Variants in RBMS1 observed in about 807,000 individuals in gnomAD.
RBMS1 encodes RNA-binding motif, single-stranded-interacting protein 1.
In RBMS1, 17 loss-of-function variants were observed where a neutral mutation model predicts 62.3. That is an observed-to-expected ratio of 0.27 (90% CI 0.19 to 0.41). RBMS1 has a LOEUF of 0.41. RBMS1 is among the 10% of genes least tolerant of loss of function. RBMS1 has a pLI of 1.00. For missense variants in RBMS1, 334 were observed against 504.5 expected, an observed-to-expected ratio of 0.66 and a Z score of 3.24; for synonymous variants, 172 against 170.0, an observed-to-expected ratio of 1.01 and a Z score of -0.09.
rs1485631843 is a variant in RBMS1, at chr2:160,282,207, C to T, written c.901-843G>A. The T allele has an allele frequency of 3.0e-6, 4 of 1,349,086 alleles. No homozygotes were observed. In the Admixed American group the frequency reaches 5.7e-5, roughly 19 times the overall value. 83.6% of individuals were successfully genotyped at this position (1,349,086 alleles called of 1,614,324 possible). Reference sequence around the variant, plus strand: ...CCTATTGTTAACTTCAGAGGTTCAACAGAGAGGATATGGGGAAGAGTCATG... The same window carrying T: ...CCTATTGTTAACTTCAGAGGTTCAATAGAGAGGATATGGGGAAGAGTCATG... On this transcript the variant is annotated intron_variant, in intron 9 of 13. Transcript: ENST00000348849.
At chr2:160,439,772 A>C (rs1396584965) in intron 1 of RBMS1, among the ~76,000 whole-genome samples, 2 of 152,260 alleles carry the variant, frequency 1.3e-5, no homozygotes, top group Non-Finnish European at 2.9e-5. Context: ...ACCACTGAGC[A>C]CTGAGTGAAC....
intron 1 of RBMS1, among the ~76,000 whole-genome samples, chr2:160,424,479 T>C (rs529143949): frequency 6.6e-6 from 1 of 152,220 alleles, no homozygotes; most frequent in East Asian, 1.9e-4. Flanking sequence ...ACGTTTTCTC[T>C]CATGAGTGAA....
chr2:160,429,647 T>C (rs191535594), intron 1 of RBMS1, among the ~76,000 whole-genome samples: 8 of 152,336 alleles, frequency 5.3e-5, no homozygotes, highest in African/African-American at 1.7e-4. Flanking sequence ...AGCACACATA[T>C]GTTAAAGGTA....
chr2:160,461,087 A>G (rs1173925886), intron 1 of RBMS1, among the ~76,000 whole-genome samples: 1 of 152,196 alleles, frequency 6.6e-6, no homozygotes, highest in Non-Finnish European at 1.5e-5. Context: ...GCAAGACCCC[A>G]TCTCTTAAAA....
At chr2:160,410,752 C>CT (rs907909125) in intron 1 of RBMS1, among the ~76,000 whole-genome samples, 50 of 149,336 alleles carry the variant, frequency 3.3e-4, no homozygotes, top group African/African-American at 5.6e-4. Context: ...TGCTCATCCT[C>CT]TTTTTTTTTT....
chr2:160,483,861 A>G (rs1685471725), intron 1 of RBMS1, among the ~76,000 whole-genome samples: 1 of 152,210 alleles, frequency 6.6e-6, no homozygotes, highest in African/African-American at 2.4e-5. Context: ...TCTGCAGGAC[A>G]CTGGCTTTTG....
chr2:160,342,181 AATCTAT>A (rs1463274436), intron 2 of RBMS1, among the ~76,000 whole-genome samples: 1 of 152,160 alleles, frequency 6.6e-6, no homozygotes, highest in Non-Finnish European at 1.5e-5. Flanking sequence ...CAATAATCTA[AATCTAT>A]GTTCCCATAA....
intron 1 of RBMS1, among the ~76,000 whole-genome samples, chr2:160,457,138 T>C (rs922181669): frequency 6.6e-6 from 1 of 151,902 alleles, no homozygotes; most frequent in East Asian, 1.9e-4. Context: ...TTTATTTATT[T>C]ATTTATTTTT....
intron 1 of RBMS1, among the ~76,000 whole-genome samples, chr2:160,438,046 C>T (rs1374939943): frequency 6.6e-6 from 1 of 152,168 alleles, no homozygotes; most frequent in Admixed American, 6.5e-5. Flanking sequence ...TTAGGGTCCT[C>T]CTGTTCCTAC....
At chr2:160,298,960 C>T (rs569515388) in intron 6 of RBMS1, among the ~76,000 whole-genome samples, 8 of 151,498 alleles carry the variant, frequency 5.3e-5, no homozygotes, top group African/African-American at 1.9e-4. Context: ...TGAAACAGAT[C>T]CCTCATAGCC....
rs187734314 is a variant in RBMS1 at position 160,352,940 on chromosome 2, G to A, written c.251+14276C>T. Among the ~76,000 whole-genome samples, 17 of 152,132 alleles carry A rather than the reference G, an allele frequency of 1.1e-4. No homozygotes were observed. In the East Asian group the frequency reaches 2.9e-3, roughly 26 times the overall value. ...GCTGTATTATTATGAATTCAATGTT[G>A]AGGCAAAAAAATTATTTCCAGTTTC... is the stretch of plus-strand genomic sequence containing the variant. On this transcript the variant is annotated intron_variant, in intron 2 of 13. Transcript: ENST00000348849.
intron 1 of RBMS1, among the ~76,000 whole-genome samples, chr2:160,417,424 T>G (rs1054451424): frequency 6.6e-6 from 1 of 152,222 alleles, no homozygotes; most frequent in African/African-American, 2.4e-5. Context: ...CCAAATAGTT[T>G]CTCTTGACTT....
At chr2:160,361,587 T>C (rs370070245) in intron 2 of RBMS1, among the ~76,000 whole-genome samples, 6 of 152,228 alleles carry the variant, frequency 3.9e-5, no homozygotes, top group African/African-American at 1.4e-4. Context: ...GTAAAAGTTA[T>C]GTTTACACTA....
intron 1 of RBMS1, among the ~76,000 whole-genome samples, chr2:160,442,387 C>G (rs752355828): frequency 1.1e-4 from 16 of 151,964 alleles, no homozygotes; most frequent in Non-Finnish European, 1.9e-4. Flanking sequence ...CTACATTTGC[C>G]CATAGTTTGG....
chr2:160,461,934 T>G (rs1684481226), intron 1 of RBMS1, among the ~76,000 whole-genome samples: 1 of 152,190 alleles, frequency 6.6e-6, no homozygotes, highest in Admixed American at 6.5e-5. Flanking sequence ...GACTGTCGAG[T>G]AGAATCATTA....
chr2:160,280,020 A>G (rs1688023622), intron 10 of RBMS1, among the ~76,000 whole-genome samples: 1 of 152,322 alleles, frequency 6.6e-6, no homozygotes, highest in African/African-American at 2.4e-5. Context: ...TTTAACATGC[A>G]TCATCAAAAA....
rs115654710 is a variant in RBMS1 at position 160,327,152 on chromosome 2, T to A, written c.252-8925A>T. Among the ~76,000 whole-genome samples, 736 of 152,302 alleles carry A rather than the reference T, an allele frequency of 4.8e-3. 4 individuals carry two copies. The highest frequency in any genetic ancestry group is 7.4e-3 in the Non-Finnish European group (503 of 68,032). The stretch of plus-strand genomic sequence containing the variant: ...ATTTTTTCAAGAGAAGATACAGACA[T>A]CTACATACCTGATTTTTCATAACTT... On this transcript the variant is annotated intron_variant, in intron 2 of 13. Transcript: ENST00000348849.
intron 1 of RBMS1, among the ~76,000 whole-genome samples, chr2:160,392,061 C>G (rs1694892923): frequency 6.6e-6 from 1 of 152,140 alleles, no homozygotes; most frequent in African/African-American, 2.4e-5. Flanking sequence ...AGCAAAAGAA[C>G]TATCTAGTCA....
chr2:160,465,567 C>T lies in RBMS1; in HGVS notation c.75+27722G>A, dbSNP rs185089903. 2.0e-5 allele frequency among the ~76,000 whole-genome samples: 3 copies of T among 152,236 alleles called. No individual in the cohort carries two copies. The East Asian group carries it at 5.8e-4, about 29-fold the overall frequency. On this transcript the variant is annotated intron_variant, in intron 1 of 13. Transcript: ENST00000348849. The stretch of plus-strand genomic sequence containing the variant: ...CAGGTAAGAAAAGGTCAGACACTAA[C>T]CAGGTTACAACCAATCTCAGGAGTA...
Sources: gnomAD v4.1 joint callset for allele counts (sites outside exome capture counted in the v4.1 genomes callset) on GRCh38, gnomAD v4.1.1 for gene constraint, MANE v1.5 for transcripts, NCBI Gene and HGNC (gene_info 2026-07-23, HGNC 2026-07-21) for gene names.